COPG2: variants seen among roughly 807,000 people sequenced by gnomAD.
The protein encoded by COPG2 is coatomer subunit gamma-2.
COPG2 carries 37 observed loss-of-function variants against 46.3 expected under a neutral mutation model. The ratio of observed to expected loss-of-function variants is 0.80; its 90% CI spans 0.61 to 1.05. The LOEUF (loss-of-function observed/expected upper bound fraction) is 1.05, where lower values mean the gene tolerates loss of function less well. Among genes scored for constraint, COPG2 ranks in the 50% least tolerant of loss-of-function variants. The pLI is 0.00. For synonymous variants in COPG2, 159 were observed against 129.7 expected, an observed-to-expected ratio of 1.23 and a Z score of -1.53; for missense variants, 427 against 387.8, an observed-to-expected ratio of 1.10 and a Z score of -0.85.
rs1554461962 is a variant in COPG2, at chr7:130,668,609, G to A, written c.37+23C>T. On this transcript the variant is annotated intron_variant, in intron 1 of 23. Transcript: ENST00000425248. ...AAGGGGCGTCCCGCGGCTGAGGGTG[G>A]GCCTCGGAAGCCCCGCGCGTACCAG... 22 of 1,519,402 alleles carry A rather than the reference G, an allele frequency of 1.4e-5. No individual in the cohort carries two copies. The East Asian group carries it at 6.3e-4, about 44-fold the overall frequency. The allele number at this position is 1,519,402 out of a possible 1,614,324, so 94.1% of individuals were successfully genotyped here. A position where few individuals can be genotyped will look rare whatever the true frequency, so the allele number is the denominator to read the frequency against.
chr7:130,599,430 A>G (rs1260598350), intron 9 of COPG2, among the ~76,000 whole-genome samples: 1 of 152,172 alleles, frequency 6.6e-6, no homozygotes, highest in Non-Finnish European at 1.5e-5. Flanking sequence ...GAACACCCGC[A>G]TTGGGTATGA....
At chr7:130,637,350 T>G (rs965894225) in intron 5 of COPG2, among the ~76,000 whole-genome samples, 3 of 152,224 alleles carry the variant, frequency 2.0e-5, no homozygotes, top group Non-Finnish European at 4.4e-5. Flanking sequence ...CCCATCACTT[T>G]CAGGTACGCC....
intron 9 of COPG2, among the ~76,000 whole-genome samples, chr7:130,591,036 G>A (rs1474792523): frequency 2.6e-5 from 4 of 151,032 alleles, no homozygotes; most frequent in Non-Finnish European, 5.9e-5. Flanking sequence ...CCCCCTCCAG[G>A]AGGGAGGTGG....
chr7:130,604,313 T>C (rs1167918744), intron 9 of COPG2, among the ~76,000 whole-genome samples: 1 of 152,226 alleles, frequency 6.6e-6, no homozygotes, highest in Non-Finnish European at 1.5e-5. Context: ...AAGATGTATC[T>C]TTACAATATT....
At chr7:130,508,462 A>C (rs1210100437) in intron 21 of COPG2, 100 bp downstream of exon 21, 2 of 649,110 alleles carry the variant, frequency 3.1e-6, no homozygotes, top group Non-Finnish European at 2.8e-6. Context: ...GAAATCCCTT[A>C]AGTTTATGTC....
intron 9 of COPG2, among the ~76,000 whole-genome samples, chr7:130,591,793 C>T (rs1210499421): frequency 4.7e-5 from 7 of 150,132 alleles, no homozygotes; most frequent in African/African-American, 1.2e-4. Context: ...GTCAGCCCCC[C>T]GCCCGGCCAG....
At chr7:130,631,744 T>TAAGA (rs35577789) in intron 5 of COPG2, among the ~76,000 whole-genome samples, 120,449 of 151,650 alleles carry the variant, frequency 0.79, 48,126 homozygotes, top group Non-Finnish European at 0.85. Flanking sequence ...CATACTAAAT[T>TAAGA]CTTTTCTTTA....
At chr7:130,532,442 C>A (rs1799836660) in intron 20 of COPG2, among the ~76,000 whole-genome samples, 1 of 151,816 alleles carries the variant, frequency 6.6e-6, no homozygotes, top group African/African-American at 2.4e-5. Flanking sequence ...GATATGGGCG[C>A]TAAGGAGGGA....
At chr7:130,550,957 T>C (rs1398700719) in intron 16 of COPG2, among the ~76,000 whole-genome samples, 1 of 151,868 alleles carries the variant, frequency 6.6e-6, no homozygotes, top group Non-Finnish European at 1.5e-5. Flanking sequence ...ACGGGAAAAA[T>C]GTAAACCCAT....
intron 9 of COPG2, among the ~76,000 whole-genome samples, chr7:130,576,633 T>C (rs1584979853): frequency 6.6e-6 from 1 of 152,086 alleles, no homozygotes; most frequent in Admixed American, 6.6e-5. Flanking sequence ...AAAGTTCAAG[T>C]GCCTACATCA....
chr7:130,644,977 G>C (rs535412249), intron 5 of COPG2, among the ~76,000 whole-genome samples: 1 of 151,118 alleles, frequency 6.6e-6, no homozygotes, highest in Admixed American at 6.6e-5. Flanking sequence ...CAGGAGAATC[G>C]CTTGAACCCA....
intron 9 of COPG2, among the ~76,000 whole-genome samples, chr7:130,589,994 A>G (rs1286434109): frequency 6.6e-6 from 1 of 152,146 alleles, no homozygotes; most frequent in Non-Finnish European, 1.5e-5. Context: ...TTTAATCGTA[A>G]AAGACGTTAA....
At chr7:130,588,365 T>C (rs1261515512) in intron 9 of COPG2, among the ~76,000 whole-genome samples, 1 of 151,880 alleles carries the variant, frequency 6.6e-6, no homozygotes, top group Non-Finnish European at 1.5e-5. Context: ...ATTGCAGCAT[T>C]ATTCACAATA....
chr7:130,515,583 A>T (rs1429362744), intron 20 of COPG2, among the ~76,000 whole-genome samples: 1 of 152,194 alleles, frequency 6.6e-6, no homozygotes, highest in Non-Finnish European at 1.5e-5. Flanking sequence ...TTGGAGAACC[A>T]CTGCTTTAGA....
At chr7:130,653,014 G>T in intron 4 of COPG2, 66 bp from the exon 5 acceptor site, 2 of 978,066 alleles carry the variant, frequency 2.0e-6, no homozygotes, top group Non-Finnish European at 1.6e-6. Context: ...ATTATTTGAA[G>T]TGAGGACCCC....
At chr7:130,615,655 T>C (rs538088071) in intron 6 of COPG2, among the ~76,000 whole-genome samples, 1 of 152,330 alleles carries the variant, frequency 6.6e-6, no homozygotes, top group South Asian at 2.1e-4. Context: ...TTAGGACTGT[T>C]TATTTATAAA....
At chr7:130,533,999 G>A (rs1013749904) in intron 20 of COPG2, among the ~76,000 whole-genome samples, 1 of 149,500 alleles carries the variant, frequency 6.7e-6, no homozygotes, top group Admixed American at 6.7e-5. Context: ...GGGGGGTGGA[G>A]CAGAGTTGAG....
At chr7:130,620,299 C>G (rs1795016507) in intron 5 of COPG2, among the ~76,000 whole-genome samples, 1 of 152,068 alleles carries the variant, frequency 6.6e-6, no homozygotes, top group Admixed American at 6.6e-5. Flanking sequence ...GACTCCTGCC[C>G]TCAACAAGCA....
intron 5 of COPG2, chr7:130,645,223 G>C (rs1319373492): frequency 2.9e-6 from 2 of 699,768 alleles, no homozygotes; most frequent in African/African-American, 3.6e-5. Flanking sequence ...CTACTCGGCT[G>C]TGTGAGAAAG....
Sources: allele counts gnomAD v4.1 joint callset (sites outside exome capture counted in the v4.1 genomes callset), GRCh38; gene constraint gnomAD v4.1.1; transcripts MANE v1.5; gene names NCBI Gene and HGNC (gene_info 2026-07-23, HGNC 2026-07-21).